The following CCDC170 variants were observed in gnomAD, a reference collection of about 807,000 sequenced individuals.
CCDC170 encodes the protein coiled-coil domain-containing protein 170.
Under a neutral mutation model 72.6 loss-of-function variants are expected in CCDC170, and 69 were observed. The observed-to-expected ratio is 0.95, with a 90% CI of 0.78 to 1.16. The LOEUF is 1.16. CCDC170 is among the 50% of genes most tolerant of loss of function. The probability of loss-of-function intolerance (pLI) is 0.00; values close to 1 mark genes in which losing one functional copy is unlikely to be tolerated. For synonymous variants in CCDC170, 300 were observed against 303.9 expected (o/e 0.99, Z 0.13); for missense variants, 852 against 832.5 (o/e 1.02, Z -0.29).
intron 5 of CCDC170, among the ~76,000 whole-genome samples, chr6:151,568,289 GT>G (rs1776168191): frequency 6.6e-6 from 1 of 152,102 alleles, no homozygotes; most frequent in Non-Finnish European, 1.5e-5. Context: ...TCCAAGGAGG[GT>G]TTTGTCTGTA....
intron 6 of CCDC170, among the ~76,000 whole-genome samples, chr6:151,582,001 A>G (rs1437471856): frequency 6.6e-6 from 1 of 152,212 alleles, no homozygotes; most frequent in Non-Finnish European, 1.5e-5. Flanking sequence ...GTCAGAATAG[A>G]TTTAGCATAT....
intron 9 of CCDC170, among the ~76,000 whole-genome samples, chr6:151,603,920 C>G (rs188434715): frequency 6.6e-6 from 1 of 152,106 alleles, no homozygotes; most frequent in Non-Finnish European, 1.5e-5. Flanking sequence ...TAAGTGAAGT[C>G]GGTCTGAGAA....
rs543821112 is a variant in CCDC170 at position 151,588,610 on chromosome 6, T to C, written c.1293+2521T>C. The stretch of plus-strand genomic sequence containing the variant: ...AGTGAAGGGAGCTTTTTCTGTTAGA[T>C]GTCTGTAAAGGTGTGATGGTGGAAA... On this transcript the variant is annotated intron_variant, in intron 7 of 10. Transcript: ENST00000239374. 6.5e-4 allele frequency among the ~76,000 whole-genome samples: 99 copies of C among 152,136 alleles called. 1 individual carries two copies. Among genetic ancestry groups the C allele is most frequent in the Non-Finnish European group, 1.1e-3 (76 of 68,020 alleles).
At chr6:151,515,679 G>A (rs1437115496) in intron 1 of CCDC170, among the ~76,000 whole-genome samples, 1 of 152,158 alleles carries the variant, frequency 6.6e-6, no homozygotes, top group Admixed American at 6.6e-5. Flanking sequence ...ATAAAAGGTG[G>A]TAGACTCTCC....
At chr6:151,540,131 A>G (rs539126653) in intron 3 of CCDC170, among the ~76,000 whole-genome samples, 1 of 152,086 alleles carries the variant, frequency 6.6e-6, no homozygotes, top group Non-Finnish European at 1.5e-5. Flanking sequence ...TAAGAAAAAT[A>G]CCATATACTG....
chr6:151,535,141 T>C (rs146363808), intron 1 of CCDC170, among the ~76,000 whole-genome samples: 2 of 152,332 alleles, frequency 1.3e-5, no homozygotes, highest in Admixed American at 6.5e-5. Context: ...ATTTGATTCA[T>C]ATGTGTTTCT....
At chr6:151,576,716 T>C (rs1236284605) in intron 6 of CCDC170, among the ~76,000 whole-genome samples, 2 of 152,182 alleles carry the variant, frequency 1.3e-5, no homozygotes, top group African/African-American at 4.8e-5. Context: ...GTGTGACTCA[T>C]CTTCACGTAA....
Position 151,548,401 on chromosome 6 carries a change from G to A in CCDC170, c.686G>A (p.Arg229Lys). Residue 229 changes from arginine (R) to lysine (K), a missense_variant, in exon 5 of 11, where the codon AGA becomes AAA. Coordinates refer to ENST00000239374, the MANE Select transcript of CCDC170 (RefSeq NM_025059.4). ...NVHEMEAKAS[R>K]ETIMRLASEV... Reference sequence around the variant, plus strand: ...CATGAGATGGAAGCAAAAGCTAGCAGAGAAACGATCATGAGGCTGGCTTCA... The same window carrying A: ...CATGAGATGGAAGCAAAAGCTAGCAAAGAAACGATCATGAGGCTGGCTTCA... 6.2e-7 allele frequency: 1 copy of A among 1,613,142 alleles called. No individual in the cohort carries two copies.
intron 9 of CCDC170, among the ~76,000 whole-genome samples, chr6:151,608,161 GACTT>G (rs1162515393): frequency 2.0e-5 from 3 of 152,076 alleles, no homozygotes; most frequent in African/African-American, 4.8e-5. Context: ...TCAGTTCCAA[GACTT>G]AACCTTGGTT....
At chr6:151,530,432 T>TAAC (rs1220850809) in intron 1 of CCDC170, among the ~76,000 whole-genome samples, 1 of 149,782 alleles carries the variant, frequency 6.7e-6, no homozygotes, top group Non-Finnish European at 1.5e-5. Flanking sequence ...TTAATAATGA[T>TAAC]AATAATAATA....
At chr6:151,613,259 C>T (rs373476956) in intron 9 of CCDC170, among the ~76,000 whole-genome samples, 9 of 152,118 alleles carry the variant, frequency 5.9e-5, no homozygotes, top group Admixed American at 2.0e-4. Flanking sequence ...CAAAAATTAG[C>T]GGGCATGGTG....
intron 5 of CCDC170, among the ~76,000 whole-genome samples, chr6:151,558,232 G>GGTTTTTTTTTTTTTTT (rs1783018050): frequency 1.4e-5 from 1 of 70,880 alleles, no homozygotes; most frequent in African/African-American, 5.8e-5. Context: ...TGAGATTAGT[G>GGTTTTTTTTTTTTTTT]TTTTTTTTTT....
chr6:151,578,719 G>A (rs192411646), intron 6 of CCDC170, among the ~76,000 whole-genome samples: 27 of 152,304 alleles, frequency 1.8e-4, no homozygotes, highest in South Asian at 8.3e-4. Context: ...CACACAAGCC[G>A]ACAGAAGGGA....
At chr6:151,545,957 A>T (rs983209290) in intron 4 of CCDC170, among the ~76,000 whole-genome samples, 10 of 151,008 alleles carry the variant, frequency 6.6e-5, no homozygotes, top group South Asian at 4.2e-4. Context: ...TTTTTTTTTT[A>T]AATGGAGATG....
At chr6:151,533,358 A>G (rs1191709065) in intron 1 of CCDC170, among the ~76,000 whole-genome samples, 2 of 151,268 alleles carry the variant, frequency 1.3e-5, no homozygotes, top group African/African-American at 4.9e-5. Context: ...CTGGCCGACT[A>G]TTTCATTCTT....
chr6:151,524,237 T>A (rs148049584), intron 1 of CCDC170, among the ~76,000 whole-genome samples: 2 of 152,226 alleles, frequency 1.3e-5, no homozygotes, highest in African/African-American at 4.8e-5. Flanking sequence ...AGCCCCCCTG[T>A]GCAAGTTCCC....
At chr6:151,531,822 G>A (rs1160714187) in intron 1 of CCDC170, among the ~76,000 whole-genome samples, 2 of 152,156 alleles carry the variant, frequency 1.3e-5, no homozygotes, top group South Asian at 2.1e-4. Flanking sequence ...GAAGTGCAGA[G>A]CAAAAGGATG....
chr6:151,616,288 A>G (rs1268738703), intron 10 of CCDC170, among the ~76,000 whole-genome samples: 1 of 152,150 alleles, frequency 6.6e-6, no homozygotes, highest in Non-Finnish European at 1.5e-5. Flanking sequence ...TGTAAGCCAT[A>G]AAAAAGTACT....
At chr6:151,574,107 G>A (rs1776268453) in intron 6 of CCDC170, among the ~76,000 whole-genome samples, 1 of 152,316 alleles carries the variant, frequency 6.6e-6, no homozygotes. Context: ...CAGCTACCTG[G>A]CAGGCTGAAG....
Sources: gnomAD v4.1 joint callset for allele counts (sites outside exome capture counted in the v4.1 genomes callset) on GRCh38, gnomAD v4.1.1 for gene constraint, MANE v1.5 for transcripts, NCBI Gene and HGNC (gene_info 2026-07-23, HGNC 2026-07-21) for gene names.